The following TRAPPC5 variants were observed in gnomAD, a reference collection of about 807,000 sequenced individuals.
TRAPPC5 encodes the protein trafficking protein particle complex 5.
In TRAPPC5, 5 loss-of-function variants were observed where a neutral mutation model predicts 9.8. That is an observed-to-expected ratio of 0.51 (90% CI 0.27 to 1.07). The LOEUF is 1.07. Among genes scored for constraint, TRAPPC5 ranks in the 50% least tolerant of loss-of-function variants. The probability of loss-of-function intolerance (pLI) is 0.12; values close to 1 mark genes in which losing one functional copy is unlikely to be tolerated. For synonymous variants in TRAPPC5, 146 were observed against 140.7 expected, an observed-to-expected ratio of 1.04 and a Z score of -0.26; for missense variants, 243 against 291.5, an observed-to-expected ratio of 0.83 and a Z score of 1.21.
chr19:7,686,513 A>AATTATTATT lies in TRAPPC5; in HGVS notation c.*3706_*3714dup, dbSNP rs138276103. 1 of 151,456 alleles carries AATTATTATT rather than the reference A, an allele frequency of 6.6e-6. No individual in the cohort carries two copies. The highest frequency in any genetic ancestry group is 1.5e-5 in the Non-Finnish European group (1 of 67,942). 9.4% of individuals were successfully genotyped at this position (151,456 alleles called of 1,614,324 possible). On this transcript the variant is annotated 3_prime_UTR_variant, in exon 2 of 2. Coordinates refer to ENST00000596148, the MANE Select transcript of TRAPPC5 (RefSeq NM_001042462.2). ...TCATGTGCCCATGGTCACACAGATT[A>AATTATTATT]ATTATTATTATTATTATTATTTAGA...
rs912003966 is a variant in TRAPPC5, at chr19:7,681,792, T to C, written c.-12-450T>C. On this transcript the variant is annotated intron_variant, in intron 1 of 1. Transcript: ENST00000596148. This position sits in a 1 kb window ranked among gnomAD's most constrained non-coding sequence, Gnocchi z 8.7. ...AGGGCGGGGCAGGAGCGACTGCCCA[T>C]ATCCCCTCGTGGTGCCTCATCTTTG... Among the ~76,000 whole-genome samples the C allele has an allele frequency of 1.7e-4, 26 of 151,828 alleles. No homozygotes were observed. Among genetic ancestry groups the C allele is most frequent in the Non-Finnish European group, 3.5e-4 (24 of 67,918 alleles).
chr19:7,682,344 C>G lies in TRAPPC5; in HGVS notation c.91C>G (p.Leu31Val). 1 of 1,559,014 alleles carries G rather than the reference C, an allele frequency of 6.4e-7. No individual in the cohort carries two copies. The highest frequency in any genetic ancestry group is 8.7e-7 in the Non-Finnish European group (1 of 1,153,966). The change falls in exon 2 of 2, where the codon CTG becomes GTG. Residue 31 changes from leucine to valine, a missense_variant. By Grantham distance (32) the Leu-to-Val change is conservative. Transcript: ENST00000596148. This position sits in a 1 kb window ranked among gnomAD's most constrained non-coding sequence, Gnocchi z 8.6. ...CGAGGTGAGCCTGAGCGCCTTCGCACTGCTGTTCTCCGAGCTGGTACAGCA... is the reference window on the plus strand; with the variant it reads ...CGAGGTGAGCCTGAGCGCCTTCGCAGTGCTGTTCTCCGAGCTGGTACAGCA... ...RTEVSLSAFALLFSELVQHCQ... is the reference protein window; with the variant it reads ...RTEVSLSAFAVLFSELVQHCQ...
Position 7,682,947 on chromosome 19 carries a change from C to A in TRAPPC5, c.*127C>A. The A allele has an allele frequency of 9.0e-7, 1 of 1,113,148 alleles. No homozygotes were observed. The highest frequency in any genetic ancestry group is 1.3e-6 in the Non-Finnish European group (1 of 787,584). 69.0% of individuals were successfully genotyped at this position (1,113,148 alleles called of 1,614,324 possible). A position where few individuals can be genotyped will look rare whatever the true frequency, so the allele number is the denominator to read the frequency against. ...CCCAGGCTGGGGAGGGAGGCCAGGTCCGAATGTGTTTACAGTAGAGTGGGG... is the reference window on the plus strand; with the variant it reads ...CCCAGGCTGGGGAGGGAGGCCAGGTACGAATGTGTTTACAGTAGAGTGGGG... On this transcript the variant is annotated 3_prime_UTR_variant, in exon 2 of 2. Coordinates refer to ENST00000596148, the MANE Select transcript of TRAPPC5 (RefSeq NM_001042462.2). This position sits in a 1 kb window ranked among gnomAD's most constrained non-coding sequence, Gnocchi z 8.6.
rs948467275 is a variant in TRAPPC5, at chr19:7,682,267, T to G, written c.14T>G (p.Phe5Cys). Residue 5 changes from phenylalanine to cysteine, a missense_variant, in exon 2 of 2, where the codon TTC becomes TGC. Phe to Cys is a radical substitution (Grantham distance 205, BLOSUM62 -2). This residue lies in a region of TRAPPC5 where 89 missense variants were observed against 75.7 expected (regional missense o/e 1.18). Transcript: ENST00000596148. This position sits in a 1 kb window ranked among gnomAD's most constrained non-coding sequence, Gnocchi z 8.6. Reference protein sequence around the residue: MEARFTRGKSALLER... With the variant: MEARCTRGKSALLER... The stretch of plus-strand genomic sequence containing the variant: ...GGTGGCGGCGGCATGGAGGCGCGCT[T>G]CACGCGCGGGAAGTCGGCGCTGCTG... The G allele has an allele frequency of 5.0e-6, 7 of 1,405,832 alleles. No homozygotes were observed. Among genetic ancestry groups the G allele is most frequent in the Non-Finnish European group, 6.4e-6 (7 of 1,086,776 alleles). 87.1% of individuals were successfully genotyped at this position (1,405,832 alleles called of 1,614,324 possible). A position where few individuals can be genotyped will look rare whatever the true frequency, so the allele number is the denominator to read the frequency against.
chr19:7,683,043 G>T lies in TRAPPC5; in HGVS notation c.*223G>T. The T allele has an allele frequency of 7.1e-6, 4 of 567,372 alleles. No individual in the cohort carries two copies. In the South Asian group the frequency reaches 9.1e-5, roughly 13 times the overall value. 35.1% of individuals were successfully genotyped at this position (567,372 alleles called of 1,614,324 possible). A position where few individuals can be genotyped will look rare whatever the true frequency, so the allele number is the denominator to read the frequency against. ...GTGGGGAGAAATAAACCCGGCAAAA[G>T]GAGTTGGTGGGAAATGCTGGCAGGT... is the stretch of plus-strand genomic sequence containing the variant. On this transcript the variant is annotated 3_prime_UTR_variant, in exon 2 of 2. Coordinates refer to ENST00000596148, the MANE Select transcript of TRAPPC5 (RefSeq NM_001042462.2).
At position 7,682,166 on chromosome 19, in the gene TRAPPC5, G is replaced by T. The variant is rs1051829830; in HGVS notation, c.-12-76G>T. ...TCGAGGGTGTCCCAGGGCCCCTCGC[G>T]GTTCTCCCTCCTTTCCTCCCGGCCT... On this transcript the variant is annotated intron_variant, in intron 1 of 1. Transcript: ENST00000596148. The surrounding 1 kb of genome is among the most constrained non-coding windows in gnomAD (Gnocchi z 8.6). The T allele has an allele frequency of 4.0e-6, 5 of 1,248,590 alleles. No homozygotes were observed. The highest frequency in any genetic ancestry group is 4.2e-6 in the Non-Finnish European group (4 of 959,786). 77.3% of individuals were successfully genotyped at this position (1,248,590 alleles called of 1,614,324 possible).
rs2032668455 is a variant in TRAPPC5, at chr19:7,682,860, G to A, written c.*40G>A. ...AAGGATACAGAGAGCCCCTCCCCAC[G>A]TGTGTCTTGTGTCTTGTGTGGCGGC... On this transcript the variant is annotated 3_prime_UTR_variant, in exon 2 of 2. Coordinates refer to ENST00000596148, the MANE Select transcript of TRAPPC5 (RefSeq NM_001042462.2). The surrounding 1 kb of genome is among the most constrained non-coding windows in gnomAD (Gnocchi z 8.6). 4 of 1,512,340 alleles carry A rather than the reference G, an allele frequency of 2.6e-6. No homozygotes were observed. The highest frequency in any genetic ancestry group is 2.8e-5 in the African/African-American group (2 of 72,428). 93.7% of individuals were successfully genotyped at this position (1,512,340 alleles called of 1,614,324 possible). A position where few individuals can be genotyped will look rare whatever the true frequency, so the allele number is the denominator to read the frequency against.
In TRAPPC5 at chr19:7,687,163, C is replaced by T. The variant is rs1307978062; in HGVS notation, c.*4343C>T. ...CCCGGGCGGAGGTGACTGCTCCAGT[C>T]GAGGCAGTGGCAGAAGGGGTGAGCA... On this transcript the variant is annotated 3_prime_UTR_variant, in exon 2 of 2. Transcript: ENST00000596148. The T allele has an allele frequency of 2.6e-5, 4 of 152,562 alleles. No individual in the cohort carries two copies. Among genetic ancestry groups the T allele is most frequent in the African/African-American group, 7.2e-5 (3 of 41,454 alleles). The allele number at this position is 152,562 out of a possible 1,614,324, so 9.5% of individuals were successfully genotyped here. A position where few individuals can be genotyped will look rare whatever the true frequency, so the allele number is the denominator to read the frequency against.
rs1290914744 is a variant in TRAPPC5, at chr19:7,683,871, TCTC to T, written c.*1055_*1057del. On this transcript the variant is annotated 3_prime_UTR_variant, in exon 2 of 2. Transcript: ENST00000596148. ...ACCATGTTAGCCAGGATGGTCTCGA[TCTC>T]CTCACCTCGTGATCTGCCCACCTCG... The T allele has an allele frequency of 2.0e-5, 3 of 151,944 alleles. No homozygotes were observed. Among genetic ancestry groups the T allele is most frequent in the African/African-American group, 7.3e-5 (3 of 41,294 alleles). 9.4% of individuals were successfully genotyped at this position (151,944 alleles called of 1,614,324 possible).
rs1163375948 is a variant in TRAPPC5, at chr19:7,686,070, T to G, written c.*3250T>G. The G allele has an allele frequency of 6.6e-6, 1 of 152,186 alleles. No individual in the cohort carries two copies. Among genetic ancestry groups the G allele is most frequent in the Non-Finnish European group, 1.5e-5 (1 of 68,178 alleles). 9.4% of individuals were successfully genotyped at this position (152,186 alleles called of 1,614,324 possible). A position where few individuals can be genotyped will look rare whatever the true frequency, so the allele number is the denominator to read the frequency against. The stretch of plus-strand genomic sequence containing the variant: ...GGCCAGGGCAGGGGCCATTCTTCTG[T>G]CCAGAGGCGGGGCTGTGAGGGATGT... On this transcript the variant is annotated 3_prime_UTR_variant, in exon 2 of 2. Coordinates refer to ENST00000596148, the MANE Select transcript of TRAPPC5 (RefSeq NM_001042462.2).
rs1599424235 is a variant in TRAPPC5, at chr19:7,680,893, A to G, written c.-13+15A>G. 6.6e-6 allele frequency: 1 copy of G among 150,998 alleles called. No homozygotes were observed. Among genetic ancestry groups the G allele is most frequent in the African/African-American group, 2.4e-5 (1 of 40,874 alleles). The allele number at this position is 150,998 out of a possible 1,614,324, so 9.4% of individuals were successfully genotyped here. ...TGCGGTTCCTGGTGAGACCCTACCC[A>G]CCCCCCTGCCCGCGCCGGGCCTCGT... On this transcript the variant is annotated intron_variant, in intron 1 of 1. Transcript: ENST00000596148.
At position 7,687,605 on chromosome 19, in the gene TRAPPC5, A is replaced by G. The variant is rs55662346; in HGVS notation, c.*4785A>G. ...TCAGGGTGATCCACCGCCTTCCCCTACAGTATTCCAAGGGGCCATTGGACC... is the reference window on the plus strand; with the variant it reads ...TCAGGGTGATCCACCGCCTTCCCCTGCAGTATTCCAAGGGGCCATTGGACC... On this transcript the variant is annotated 3_prime_UTR_variant, in exon 2 of 2. Transcript: ENST00000596148. 9,983 of 152,306 alleles carry G rather than the reference A, an allele frequency of 0.066. 378 individuals are homozygous for G. Among genetic ancestry groups the G allele is most frequent in the Non-Finnish European group, 0.082 (5,584 of 68,070 alleles). 9.4% of individuals were successfully genotyped at this position (152,306 alleles called of 1,614,324 possible).
Position 7,682,409 on chromosome 19 carries a change from GCGCCTGGC to G in TRAPPC5, c.160_167del (p.Leu54AlafsTer23). ...TCTTCTCCGTGGCCGAGCTGCAGTC[GCGCCTGGC>G]CGCGCTGGGCCGCCAGGTGGGCGCG... On this transcript the variant is annotated frameshift_variant, in exon 2 of 2. Transcript: ENST00000596148. LOFTEE classifies it high-confidence loss of function. The surrounding 1 kb of genome is among the most constrained non-coding windows in gnomAD (Gnocchi z 8.6). The G allele has an allele frequency of 6.3e-7, 1 of 1,585,668 alleles. No homozygotes were observed.
At position 7,686,009 on chromosome 19, in the gene TRAPPC5, T is replaced by A. The variant is rs1177041667; in HGVS notation, c.*3189T>A. On this transcript the variant is annotated 3_prime_UTR_variant, in exon 2 of 2. Coordinates refer to ENST00000596148, the MANE Select transcript of TRAPPC5 (RefSeq NM_001042462.2). ...TTTGGGCTAAGCAGCCCCAGGCAGGTCCTCTGAGACCCTGGCGAGAGGGGC... is the reference window on the plus strand; with the variant it reads ...TTTGGGCTAAGCAGCCCCAGGCAGGACCTCTGAGACCCTGGCGAGAGGGGC... 6.6e-6 allele frequency: 1 copy of A among 152,176 alleles called. No homozygotes were observed. Among genetic ancestry groups the A allele is most frequent in the Non-Finnish European group, 1.5e-5 (1 of 68,128 alleles). 9.4% of individuals were successfully genotyped at this position (152,176 alleles called of 1,614,324 possible). A position where few individuals can be genotyped will look rare whatever the true frequency, so the allele number is the denominator to read the frequency against.
rs1325627776 is a variant in TRAPPC5, at chr19:7,682,320, G to A, written c.67G>A (p.Glu23Lys). ...LERALARPRT[E>K]VSLSAFALLF... The stretch of plus-strand genomic sequence containing the variant: ...GCGCGCGCTGGCGCGGCCGCGCACC[G>A]AGGTGAGCCTGAGCGCCTTCGCACT... Residue 23 changes from glutamate to lysine, a missense_variant, in exon 2 of 2, where the codon GAG (glutamate) becomes AAG (lysine). This residue lies in a region of TRAPPC5 where 89 missense variants were observed against 75.7 expected (regional missense o/e 1.18). Coordinates refer to ENST00000596148, the MANE Select transcript of TRAPPC5 (RefSeq NM_001042462.2). This position sits in a 1 kb window ranked among gnomAD's most constrained non-coding sequence, Gnocchi z 8.6. 4 of 1,523,920 alleles carry A rather than the reference G, an allele frequency of 2.6e-6. No homozygotes were observed. The highest frequency in any genetic ancestry group is 3.5e-6 in the Non-Finnish European group (4 of 1,141,670). The allele number at this position is 1,523,920 out of a possible 1,614,324, so 94.4% of individuals were successfully genotyped here. A position where few individuals can be genotyped will look rare whatever the true frequency, so the allele number is the denominator to read the frequency against.
Position 7,683,129 on chromosome 19 carries a change from C to G in TRAPPC5, c.*309C>G, listed in dbSNP as rs957119412. On this transcript the variant is annotated 3_prime_UTR_variant, in exon 2 of 2. Coordinates refer to ENST00000596148, the MANE Select transcript of TRAPPC5 (RefSeq NM_001042462.2). The stretch of plus-strand genomic sequence containing the variant: ...AGGGGGCATGGGGTCCTGGGAGACG[C>G]ATCAGGCTGAGACAGACGCCTTTAG... The G allele has an allele frequency of 4.6e-6, 2 of 430,682 alleles. No individual in the cohort carries two copies. The highest frequency in any genetic ancestry group is 4.0e-5 in the Admixed American group (1 of 25,174). 26.7% of individuals were successfully genotyped at this position (430,682 alleles called of 1,614,324 possible).
In TRAPPC5 at chr19:7,681,974, G is replaced by C. The variant is rs1000136938; in HGVS notation, c.-12-268G>C. 3.9e-5 allele frequency among the ~76,000 whole-genome samples: 6 copies of C among 151,998 alleles called. No homozygotes were observed. Among genetic ancestry groups the C allele is most frequent in the Admixed American group, 1.3e-4 (2 of 15,266 alleles). ...TCGGCCTCCTCTTCTGTTCCCCCTC[G>C]TGTCTCTCCTCCCACCTTGTCCCCA... On this transcript the variant is annotated intron_variant, in intron 1 of 1. Coordinates refer to ENST00000596148, the MANE Select transcript of TRAPPC5 (RefSeq NM_001042462.2). This position sits in a 1 kb window ranked among gnomAD's most constrained non-coding sequence, Gnocchi z 8.7.
In TRAPPC5 at chr19:7,683,969, A is replaced by T. The variant is rs1039892281; in HGVS notation, c.*1149A>T. ...GCCATGCCCAGCTAATTTTTAAAAA[A>T]TTTTTGTAGAGATGGGGGCTCTTAT... is the stretch of plus-strand genomic sequence containing the variant. On this transcript the variant is annotated 3_prime_UTR_variant, in exon 2 of 2. Coordinates refer to ENST00000596148, the MANE Select transcript of TRAPPC5 (RefSeq NM_001042462.2). The T allele has an allele frequency of 2.0e-5, 3 of 152,072 alleles. No homozygotes were observed. Among genetic ancestry groups the T allele is most frequent in the African/African-American group, 7.2e-5 (3 of 41,384 alleles). 9.4% of individuals were successfully genotyped at this position (152,072 alleles called of 1,614,324 possible).
chr19:7,682,879 TGGCG>T lies in TRAPPC5; in HGVS notation c.*61_*64del. On this transcript the variant is annotated 3_prime_UTR_variant, in exon 2 of 2. Transcript: ENST00000596148. This position sits in a 1 kb window ranked among gnomAD's most constrained non-coding sequence, Gnocchi z 8.6. Reference sequence around the variant, plus strand: ...CCCCACGTGTGTCTTGTGTCTTGTGTGGCGGCCTTAGATCCACTCAGTACCTTGA... The same window carrying T: ...CCCCACGTGTGTCTTGTGTCTTGTGTGCCTTAGATCCACTCAGTACCTTGA... The T allele has an allele frequency of 6.7e-7, 1 of 1,491,888 alleles. No homozygotes were observed. Among genetic ancestry groups the T allele is most frequent in the Middle Eastern group, 1.8e-4 (1 of 5,710 alleles). 92.4% of individuals were successfully genotyped at this position (1,491,888 alleles called of 1,614,324 possible). A position where few individuals can be genotyped will look rare whatever the true frequency, so the allele number is the denominator to read the frequency against.
Sources: allele counts gnomAD v4.1 joint callset (sites outside exome capture counted in the v4.1 genomes callset), GRCh38; gene constraint gnomAD v4.1.1; regional missense constraint gnomAD v4.1.1; non-coding constraint Gnocchi (gnomAD v3.1); transcripts MANE v1.5; gene names NCBI Gene and HGNC (gene_info 2026-07-23, HGNC 2026-07-21).